RBMS3: variants seen among roughly 807,000 people sequenced by gnomAD.
RBMS3 encodes RNA-binding motif, single-stranded-interacting protein 3.
RBMS3 carries 27 observed loss-of-function variants against 66.8 expected under a neutral mutation model. That is an observed-to-expected ratio of 0.40 (90% CI 0.30 to 0.56). The LOEUF is 0.56. Ranked by LOEUF, RBMS3 falls within the 20% of genes least tolerant of loss-of-function variation. RBMS3 has a pLI of 0.40. For synonymous variants in RBMS3, 188 were observed against 183.0 expected (o/e 1.03, Z -0.22); for missense variants, 513 against 549.5 (o/e 0.93, Z 0.66).
intron 4 of RBMS3, among the ~76,000 whole-genome samples, chr3:29,730,644 C>T (rs565535350): frequency 6.6e-6 from 1 of 152,202 alleles, no homozygotes; most frequent in East Asian, 1.9e-4. Flanking sequence ...AGCTTTCTAT[C>T]TCAGAGTTCA....
intron 6 of RBMS3, among the ~76,000 whole-genome samples, chr3:29,768,982 G>A (rs966942757): frequency 3.3e-5 from 5 of 151,840 alleles, no homozygotes; most frequent in Non-Finnish European, 7.4e-5. Flanking sequence ...ACTACTTTTT[G>A]ATTTAAAACC....
At chr3:29,843,883 C>G (rs1198572898) in intron 6 of RBMS3, among the ~76,000 whole-genome samples, 1 of 151,596 alleles carries the variant, frequency 6.6e-6, no homozygotes, top group Non-Finnish European at 1.5e-5. Flanking sequence ...GGGAAGCGGG[C>G]AGAGGTTGCA....
chr3:29,769,861 A>G (rs1443105829), intron 6 of RBMS3, among the ~76,000 whole-genome samples: 5 of 151,962 alleles, frequency 3.3e-5, no homozygotes, highest in African/African-American at 1.2e-4. Flanking sequence ...ACATTGAGGA[A>G]AATCTTAAAA....
chr3:29,505,968 T>A (rs2044167995), intron 3 of RBMS3, among the ~76,000 whole-genome samples: 1 of 151,920 alleles, frequency 6.6e-6, no homozygotes, highest in African/African-American at 2.4e-5. Context: ...TTCCAATAGT[T>A]TTTTGGTGGA....
intron 12 of RBMS3, among the ~76,000 whole-genome samples, chr3:29,983,364 A>G (rs1698139315): frequency 6.6e-6 from 1 of 151,108 alleles, no homozygotes; most frequent in African/African-American, 2.4e-5. Flanking sequence ...CTTACTCTTT[A>G]TCCAATTTGC....
chr3:29,988,779 GGAAGAAAAGGAAAAAA>G (rs1164857426), intron 13 of RBMS3, among the ~76,000 whole-genome samples: 1 of 151,874 alleles, frequency 6.6e-6, no homozygotes, highest in African/African-American at 2.4e-5. Context: ...AAGATCAGAA[GGAAGAAAAGGAAAAAA>G]AAAGAAATGT....
At chr3:29,921,691 G>A (rs970078940) in intron 10 of RBMS3, among the ~76,000 whole-genome samples, 1 of 152,158 alleles carries the variant, frequency 6.6e-6, no homozygotes, top group South Asian at 2.1e-4. Context: ...TCAGAGATGA[G>A]CCATCCATGC....
At chr3:29,741,177 A>T (rs2054626709) in intron 5 of RBMS3, among the ~76,000 whole-genome samples, 1 of 152,204 alleles carries the variant, frequency 6.6e-6, no homozygotes. Context: ...CATGTGTGAA[A>T]ATTCTTCTTA....
chr3:29,854,981 A>C (rs1435995935), intron 6 of RBMS3, among the ~76,000 whole-genome samples: 1 of 152,212 alleles, frequency 6.6e-6, no homozygotes, highest in African/African-American at 2.4e-5. Context: ...TGGCCCTAAA[A>C]ATAATAATTT....
intron 12 of RBMS3, among the ~76,000 whole-genome samples, chr3:29,965,548 G>A (rs544386963): frequency 5.3e-5 from 8 of 152,080 alleles, no homozygotes; most frequent in South Asian, 2.1e-4. Context: ...GTCTATTCAC[G>A]TCCTTGGCCC....
chr3:29,576,444 C>G, intron 3 of RBMS3, among the ~76,000 whole-genome samples: 1 of 152,102 alleles, frequency 6.6e-6, no homozygotes. Context: ...ACCTGCATAG[C>G]ACTGAGTCTT....
chr3:29,970,595 A>G (rs900944989), intron 12 of RBMS3, among the ~76,000 whole-genome samples: 1 of 152,170 alleles, frequency 6.6e-6, no homozygotes, highest in Non-Finnish European at 1.5e-5. Context: ...TGTAACTGAG[A>G]TATCACTGGG....
intron 10 of RBMS3, among the ~76,000 whole-genome samples, chr3:29,920,787 A>T (rs2060751931): frequency 6.6e-6 from 1 of 151,598 alleles, no homozygotes. Context: ...CATCCTGGCT[A>T]ACATGGCGAA....
chr3:29,933,778 A>G (rs938350073), intron 10 of RBMS3: 2 of 152,104 alleles, frequency 1.3e-5, no homozygotes, highest in Admixed American at 1.3e-4. Flanking sequence ...ATTAATGATA[A>G]ATCCCTTCTT....
intron 1 of RBMS3, among the ~76,000 whole-genome samples, chr3:29,428,529 T>G (rs774806915): frequency 3.9e-5 from 6 of 151,936 alleles, no homozygotes; most frequent in Non-Finnish European, 7.4e-5. Context: ...TTTACTCTAT[T>G]GATGTGTGAG....
At chr3:29,828,254 T>C (rs2058262057) in intron 6 of RBMS3, among the ~76,000 whole-genome samples, 1 of 152,168 alleles carries the variant, frequency 6.6e-6, no homozygotes, top group South Asian at 2.1e-4. Context: ...GACTCCTCTC[T>C]CCGTCTGGTG....
At chr3:29,711,287 G>T (rs1285515655) in intron 4 of RBMS3, among the ~76,000 whole-genome samples, 2 of 152,182 alleles carry the variant, frequency 1.3e-5, no homozygotes, top group Non-Finnish European at 2.9e-5. Context: ...GATAAGAGGA[G>T]ACTAGCGTAG....
intron 4 of RBMS3, among the ~76,000 whole-genome samples, chr3:29,632,609 G>T (rs562893967): frequency 1.3e-5 from 2 of 151,880 alleles, no homozygotes; most frequent in East Asian, 3.9e-4. Flanking sequence ...AGAGGATTTT[G>T]TGGTGGCTTT....
intron 4 of RBMS3, among the ~76,000 whole-genome samples, chr3:29,728,338 C>T (rs967245383): frequency 2.0e-5 from 3 of 152,094 alleles, no homozygotes; most frequent in South Asian, 4.2e-4. Flanking sequence ...CAAACCTGCA[C>T]GTTCTGCACA....
Sources: allele counts gnomAD v4.1 joint callset (sites outside exome capture counted in the v4.1 genomes callset), GRCh38; gene constraint gnomAD v4.1.1; transcripts MANE v1.5; gene names NCBI Gene and HGNC (gene_info 2026-07-23, HGNC 2026-07-21).